Variants in GALNS observed in about 807,000 individuals in gnomAD.
GALNS encodes the protein N-acetylgalactosamine-6-sulfatase.
A neutral mutation model predicts 65.9 loss-of-function variants in GALNS; 65 were observed. The observed-to-expected ratio is 0.99, with a 90% CI of 0.81 to 1.21. GALNS has a LOEUF of 1.21. GALNS is among the 50% of genes most tolerant of loss of function. GALNS has a pLI of 0.00. For synonymous variants in GALNS, 346 were observed against 288.9 expected, an observed-to-expected ratio of 1.20 and a Z score of -2.00; for missense variants, 776 against 700.7, an observed-to-expected ratio of 1.11 and a Z score of -1.21.
intron 9 of GALNS, 30 bp from the exon 10 acceptor site, chr16:88,826,868 G>A (rs1173115819): frequency 2.6e-6 from 4 of 1,556,952 alleles, no homozygotes; most frequent in East Asian, 4.8e-5. Flanking sequence ...CACGGTCAGG[G>A]CACTCTGCAC....
Position 88,855,587 on chromosome 16 carries a change from G to C in GALNS, c.120+1171C>G, listed in dbSNP as rs960668828. 1.1e-5 allele frequency: 7 copies of C among 660,274 alleles called. No homozygotes were observed. The African/African-American group carries it at 1.3e-4, about 12-fold the overall frequency. The allele number at this position is 660,274 out of a possible 1,614,324, so 40.9% of individuals were successfully genotyped here. On this transcript the variant is annotated intron_variant, in intron 1 of 13. Coordinates refer to ENST00000268695, the MANE Select transcript of GALNS (RefSeq NM_000512.5). ...CCCAGGACTGTCGGCTGTCACCCCT[G>C]GGTGGGGAAATTATGGGTGGTGTCT...
intron 13 of GALNS, among the ~76,000 whole-genome samples, chr16:88,817,654 C>G (rs1909769156): frequency 6.6e-6 from 1 of 152,208 alleles, no homozygotes; most frequent in South Asian, 2.1e-4. Flanking sequence ...AGTCGAGGAC[C>G]AGGGGACCCC....
chr16:88,852,391 A>G (rs1245483639), intron 1 of GALNS, among the ~76,000 whole-genome samples: 1 of 152,242 alleles, frequency 6.6e-6, no homozygotes, highest in Non-Finnish European at 1.5e-5. Flanking sequence ...CACCAGCATC[A>G]AAGACCAAAG....
chr16:88,843,444 G>A (rs1324909660), intron 1 of GALNS: 3 of 350,162 alleles, frequency 8.6e-6, no homozygotes, highest in African/African-American at 2.1e-5. Flanking sequence ...CCCATCGGCA[G>A]ACGACAAAGT....
At chr16:88,835,013 C>G (rs1911963059) in intron 8 of GALNS, among the ~76,000 whole-genome samples, 200 bp downstream of exon 8, 1 of 152,148 alleles carries the variant, frequency 6.6e-6, no homozygotes, top group African/African-American at 2.4e-5. Flanking sequence ...CCCCCAAGTT[C>G]AAGGTCACTC....
intron 12 of GALNS, 76 bp downstream of exon 12, chr16:88,822,513 T>C (rs1376274949): frequency 5.0e-6 from 8 of 1,588,544 alleles, no homozygotes; most frequent in African/African-American, 4.0e-5. Flanking sequence ...CAGAGGGCTC[T>C]GTCCCTGTGG....
intron 8 of GALNS, among the ~76,000 whole-genome samples, chr16:88,834,880 C>T (rs1284561205): frequency 6.6e-6 from 1 of 152,138 alleles, no homozygotes; most frequent in Non-Finnish European, 1.5e-5. Context: ...AGCAGGGACA[C>T]CCTGCTCCAC....
Position 88,835,641 on chromosome 16 carries a change from C to G in GALNS, c.758+84G>C. On this transcript the variant is annotated intron_variant, in intron 7 of 13. Transcript: ENST00000268695. ...GGCCTTTCCATAATTGGCCTAAATG[C>G]CACGGTACTGAGTGTCCCATCTCTG... 1.0e-5 allele frequency: 16 copies of G among 1,596,282 alleles called. 1 individual carries two copies. In the South Asian group the frequency reaches 1.8e-4, roughly 18 times the overall value.
chr16:88,822,498 G>A, intron 12 of GALNS, 91 bp downstream of exon 12: 3 of 1,537,202 alleles, frequency 2.0e-6, no homozygotes, highest in Non-Finnish European at 2.7e-6. Context: ...GCGGCGGGCA[G>A]GGTGCAGAGG....
chr16:88,820,081 G>A (rs998458082), intron 12 of GALNS, among the ~76,000 whole-genome samples: 1 of 151,896 alleles, frequency 6.6e-6, no homozygotes, highest in Non-Finnish European at 1.5e-5. Context: ...CTCCTACCTC[G>A]GCCTCCCAAA....
intron 9 of GALNS, among the ~76,000 whole-genome samples, chr16:88,830,539 T>A (rs1374258388): frequency 6.6e-6 from 1 of 152,116 alleles, no homozygotes; most frequent in South Asian, 2.1e-4. Flanking sequence ...CTGGAGGCCA[T>A]TGGGAGGGCA....
intron 11 of GALNS, among the ~76,000 whole-genome samples, chr16:88,823,802 C>T (rs562141194): frequency 4.1e-5 from 6 of 145,618 alleles, no homozygotes; most frequent in South Asian, 4.5e-4. Flanking sequence ...ATGCCCAGGA[C>T]GGCCCTCGCA....
At chr16:88,839,438 C>T (rs1371263546) in intron 4 of GALNS, among the ~76,000 whole-genome samples, 3 of 152,276 alleles carry the variant, frequency 2.0e-5, no homozygotes, top group Non-Finnish European at 4.4e-5. Flanking sequence ...AGCAGTGGGG[C>T]CTGGCACTCA....
Position 88,842,264 on chromosome 16 carries a change from C to A in GALNS, c.245-293G>T, listed in dbSNP as rs566792083. On this transcript the variant is annotated intron_variant, in intron 2 of 13. Transcript: ENST00000268695. ...CACCCACTGGGCGTGCAGGTCCACACGCCCCCATCCTCGAGCACCAGCCCC... is the reference window on the plus strand; with the variant it reads ...CACCCACTGGGCGTGCAGGTCCACAAGCCCCCATCCTCGAGCACCAGCCCC... 6 of 555,552 alleles carry A rather than the reference C, an allele frequency of 1.1e-5. No individual in the cohort carries two copies. In the South Asian group the frequency reaches 1.2e-4, roughly 11 times the overall value. 34.4% of individuals were successfully genotyped at this position (555,552 alleles called of 1,614,324 possible). A position where few individuals can be genotyped will look rare whatever the true frequency, so the allele number is the denominator to read the frequency against.
At chr16:88,834,134 G>A (rs1298918234) in intron 8 of GALNS, among the ~76,000 whole-genome samples, 3 of 152,230 alleles carry the variant, frequency 2.0e-5, no homozygotes, top group Admixed American at 6.5e-5. Flanking sequence ...CTGTCCGGAG[G>A]GCCTGCACGA....
chr16:88,855,280 A>G (rs1198364241), intron 1 of GALNS: 3 of 700,310 alleles, frequency 4.3e-6, no homozygotes, highest in Non-Finnish European at 7.8e-6. Flanking sequence ...GGGAGGCTTC[A>G]CCTGCAGAGC....
At chr16:88,823,427 C>A (rs115857874) in intron 11 of GALNS, among the ~76,000 whole-genome samples, 8,167 of 152,330 alleles carry the variant, frequency 0.054, 253 homozygotes, top group South Asian at 0.094. Flanking sequence ...ATTCCCAGAG[C>A]GGGTGCTGCA....
chr16:88,824,885 G>A lies in GALNS; in HGVS notation c.1140-16C>T. On this transcript the variant is annotated splice_polypyrimidine_tract_variant and intron_variant, in intron 10 of 13. Coordinates refer to ENST00000268695, the MANE Select transcript of GALNS (RefSeq NM_000512.5). ...GAAGATAGGCCTGTGGGATGGGAGG[G>A]GAGGACCATGTAATGACAGGAAGGA... 4 of 1,609,146 alleles carry A rather than the reference G, an allele frequency of 2.5e-6. No homozygotes were observed. Among genetic ancestry groups the A allele is most frequent in the Non-Finnish European group, 3.4e-6 (4 of 1,176,746 alleles).
Position 88,842,946 on chromosome 16 carries a change from T to C in GALNS, c.121-117A>G, listed in dbSNP as rs543642270. On this transcript the variant is annotated intron_variant, in intron 1 of 13. Coordinates refer to ENST00000268695, the MANE Select transcript of GALNS (RefSeq NM_000512.5). ...GACCGTGGAAGCCAGCACCACCCTG[T>C]GTCCCAGCCAGCGGCAGAGCTCGGC... The C allele has an allele frequency of 4.6e-6, 7 of 1,537,802 alleles. No homozygotes were observed. In the South Asian group the frequency reaches 8.3e-5, roughly 18 times the overall value.
Sources: allele counts gnomAD v4.1 joint callset (sites outside exome capture counted in the v4.1 genomes callset), GRCh38; gene constraint gnomAD v4.1.1; transcripts MANE v1.5; gene names NCBI Gene and HGNC (gene_info 2026-07-23, HGNC 2026-07-21).